The following KNL1 variants were observed in gnomAD, a reference collection of about 807,000 sequenced individuals.
KNL1 encodes kinetochore scaffold 1.
In KNL1, 66 loss-of-function variants were observed where a neutral mutation model predicts 201.3. That is an observed-to-expected ratio of 0.33 (90% CI 0.27 to 0.40). KNL1 has a LOEUF of 0.40. KNL1 is among the 10% of genes least tolerant of loss of function. KNL1 has a pLI of 1.00. For synonymous variants in KNL1, 895 were observed against 899.2 expected (o/e 1.00, Z 0.08); for missense variants, 2,815 against 2,690.5 (o/e 1.05, Z -1.02).
At position 40,657,472 on chromosome 15, in the gene KNL1, G is replaced by A; in HGVS notation, c.6712G>A (p.Glu2238Lys). ...AATGAACATAGATATTAATAATAAT[G>A]AGTAAGTGTATTAGTTCCCAAGGAC... ...NLMNIDINNN[E>K]LRLLFSSSAA... Residue 2238 changes from glutamate (E) to lysine (K), a missense_variant and splice_region_variant, in exon 24 of 26, where the codon GAA becomes AAA. Around this residue, in one of 3 missense-constraint regions of KNL1, gnomAD observed 334 missense variants for 362.6 expected, o/e 0.92. Transcript: ENST00000399668. The A allele has an allele frequency of 7.2e-6, 10 of 1,389,392 alleles. No individual in the cohort carries two copies. Among genetic ancestry groups the A allele is most frequent in the Non-Finnish European group, 9.2e-6 (9 of 976,004 alleles). 86.1% of individuals were successfully genotyped at this position (1,389,392 alleles called of 1,614,324 possible).
intron 13 of KNL1, among the ~76,000 whole-genome samples, chr15:40,629,643 A>G (rs1892856171): frequency 6.6e-6 from 1 of 151,534 alleles, no homozygotes; most frequent in African/African-American, 2.4e-5. Context: ...AGCTGGGACT[A>G]CAGGCGCGTG....
chr15:40,642,487 T>C (rs1232488504), intron 14 of KNL1, among the ~76,000 whole-genome samples: 4 of 152,292 alleles, frequency 2.6e-5, no homozygotes, highest in African/African-American at 9.6e-5. Context: ...TTAACAAATA[T>C]TTATTGAGCA....
rs186823615 is a variant in KNL1 at position 40,664,204 on chromosome 15, T to C, written c.*2016T>C. 3.3e-3 allele frequency: 595 copies of C among 181,218 alleles called. 5 individuals are homozygous for C. Among genetic ancestry groups the C allele is most frequent in the African/African-American group, 0.013 (550 of 42,558 alleles). The allele number at this position is 181,218 out of a possible 1,614,324, so 11.2% of individuals were successfully genotyped here. On this transcript the variant is annotated 3_prime_UTR_variant, in exon 26 of 26. Transcript: ENST00000399668. ...GCTTTTTTGGGTTTGGAGTACACAA[T>C]TGTAATATTTACTTAGTTATTTGTG...
chr15:40,607,145 T>C (rs1377695632), intron 4 of KNL1, among the ~76,000 whole-genome samples: 1 of 152,202 alleles, frequency 6.6e-6, no homozygotes, highest in African/African-American at 2.4e-5. Context: ...AGTGATCCTC[T>C]TGCCTGGGCC....
intron 13 of KNL1, among the ~76,000 whole-genome samples, chr15:40,640,157 C>T (rs148560489): frequency 0.02 from 2,835 of 140,278 alleles, 92 homozygotes; most frequent in African/African-American, 0.073. Context: ...AGTGCAGTGG[C>T]GCAATCTCGG....
In KNL1 at chr15:40,602,983, C is replaced by G. The variant is rs745880874; in HGVS notation, c.35+17C>G. 40 of 1,546,088 alleles carry G rather than the reference C, an allele frequency of 2.6e-5. No homozygotes were observed. The highest frequency in any genetic ancestry group is 3.5e-5 in the Non-Finnish European group (39 of 1,124,062). On this transcript the variant is annotated intron_variant, in intron 2 of 25. Transcript: ENST00000399668. ...TGAAGAAAAGTAAGTTCATTTAATG[C>G]AGCTAAAAATATTATATTCTATCAG...
chr15:40,635,096 T>C (rs536682534), intron 13 of KNL1, among the ~76,000 whole-genome samples: 15 of 151,578 alleles, frequency 9.9e-5, no homozygotes, highest in Admixed American at 2.0e-4. Context: ...TCATCCAGGC[T>C]GGAGTGCAGT....
chr15:40,613,214 AT>A (rs1357811793), intron 7 of KNL1, among the ~76,000 whole-genome samples: 1 of 152,204 alleles, frequency 6.6e-6, no homozygotes, highest in Non-Finnish European at 1.5e-5. Context: ...AAAGTATATC[AT>A]GTATTACCAC....
In KNL1 at chr15:40,662,144, C is replaced by G. The variant is rs1435564975; in HGVS notation, c.6907C>G (p.Gln2303Glu). The G allele has an allele frequency of 6.2e-7, 1 of 1,612,190 alleles. No homozygotes were observed. The highest frequency in any genetic ancestry group is 2.2e-5 in the East Asian group (1 of 44,856). The stretch of plus-strand genomic sequence containing the variant: ...CAACTACCTGAAGAATGTAGTCAAG[C>G]AAATTTACCAAGATCTGTTTCAGGA... ...ENNYLKNVVK[Q>E]IYQDLFQDCH... is the part of the protein sequence containing the mutation. Residue 2303 changes from glutamine to glutamate, a missense_variant, in exon 26 of 26, where the codon CAA becomes GAA. Physicochemically the swap from Gln to Glu is conservative, Grantham distance 29. This residue lies in a region of KNL1 where 334 missense variants were observed against 362.6 expected (regional missense o/e 0.92). Transcript: ENST00000399668.
chr15:40,625,501 T>G lies in KNL1; in HGVS notation c.5237T>G (p.Ile1746Ser), dbSNP rs771166373. ...KALIETYQKE[I>S]SPYENKMGKT... ...TTGATTGAGACATACCAAAAAGAGA[T>G]TTCACCATATGAAAATAAAATGGGA... is the stretch of plus-strand genomic sequence containing the variant. Residue 1746 changes from isoleucine (I) to serine (S), a missense_variant, in exon 10 of 26, where the codon ATT becomes AGT. By Grantham distance (142) the Ile-to-Ser change is moderately radical. This residue lies in a region of KNL1 where 2,464 missense variants were observed against 2,291.7 expected (regional missense o/e 1.08). Coordinates refer to ENST00000399668, the MANE Select transcript of KNL1 (RefSeq NM_144508.5). 1.1e-5 allele frequency: 18 copies of G among 1,612,410 alleles called. No homozygotes were observed. The East Asian group carries it at 3.8e-4, about 34-fold the overall frequency.
intron 10 of KNL1, among the ~76,000 whole-genome samples, chr15:40,627,513 CAA>C (rs543656517): frequency 1.3e-4 from 9 of 68,788 alleles, no homozygotes; most frequent in African/African-American, 1.6e-4. Flanking sequence ...GACTCCGCCT[CAA>C]AAAAAAAAAA....
rs1371974140 is a variant in KNL1, at chr15:40,650,546, T to C, written c.6175T>C (p.Leu2059=). ...TTTTTTTTTTTCTGTTTCCAAAGAA[T>C]TGGAACAGCTGAAAACTGAAGAAGA... ...DSEMRAAEKE[L]EQLKTEEEEL... The change falls in exon 19 of 26, where the codon TTG becomes CTG. Residue 2059 remains leucine (L), a splice_region_variant and synonymous_variant. Transcript: ENST00000399668. 6.4e-7 allele frequency: 1 copy of C among 1,554,930 alleles called. No homozygotes were observed. Among genetic ancestry groups the C allele is most frequent in the Non-Finnish European group, 8.7e-7 (1 of 1,154,420 alleles).
At position 40,645,718 on chromosome 15, in the gene KNL1, C is replaced by T; in HGVS notation, c.5952C>T (p.Val1984=). The T allele has an allele frequency of 6.2e-7, 1 of 1,610,952 alleles. No homozygotes were observed. The highest frequency in any genetic ancestry group is 8.5e-7 in the Non-Finnish European group (1 of 1,179,128). The change falls in exon 16 of 26, where the codon GTC becomes GTT. Residue 1984 remains valine (V), a synonymous_variant. Transcript: ENST00000399668. The part of the protein sequence containing the change: ...IKSCFTKMTK[V]FTHQGKVALY... ...CATGTTTTACCAAGATGACTAAAGT[C>T]TTCACTCACCAAGGAAAAGTGGCTC...
chr15:40,623,284 G>T lies in KNL1; in HGVS notation c.3020G>T (p.Arg1007Leu). 1 of 1,613,846 alleles carries T rather than the reference G, an allele frequency of 6.2e-7. No homozygotes were observed. Residue 1007 changes from arginine (R) to leucine (L), a missense_variant, in exon 10 of 26, where the codon CGT becomes CTT. By Grantham distance (102) the Arg-to-Leu change is moderately radical (BLOSUM62 -2). Around this residue, in one of 3 missense-constraint regions of KNL1, gnomAD observed 2,464 missense variants for 2,291.7 expected, o/e 1.08. Coordinates refer to ENST00000399668, the MANE Select transcript of KNL1 (RefSeq NM_144508.5). ...TTTCCAGGAAATGGTGAAAGTGACC[G>T]TCTAGTAGCAAATGACAGCCAGCTA... ...VFFPGNGESD[R>L]LVANDSQLTP...
At chr15:40,657,945 A>AAT (rs199699483) in intron 24 of KNL1, among the ~76,000 whole-genome samples, 9 of 151,854 alleles carry the variant, frequency 5.9e-5, no homozygotes, top group Non-Finnish European at 1.0e-4. Flanking sequence ...TTATTAAATG[A>AAT]ATATATATAT....
chr15:40,658,939 A>AAAAAAG (rs1555423579), intron 24 of KNL1, among the ~76,000 whole-genome samples: 2 of 148,186 alleles, frequency 1.3e-5, no homozygotes, highest in Admixed American at 6.7e-5. Context: ...CAAAAAAAAA[A>AAAAAAG]AAAGAAAAAG....
At position 40,621,655 on chromosome 15, in the gene KNL1, G is replaced by C. The variant is rs2141720197; in HGVS notation, c.1391G>C (p.Cys464Ser). 1.2e-6 allele frequency: 2 copies of C among 1,612,838 alleles called. No homozygotes were observed. Among genetic ancestry groups the C allele is most frequent in the Admixed American group, 3.3e-5 (2 of 59,876 alleles). ...GACAGTAATTATGCTAAAATGTATT[G>C]CAATCCAGATGCTATGTCTTCTCTC... ...KHDSNYAKMYCNPDAMSSLTE... is the reference protein window; with the variant it reads ...KHDSNYAKMYSNPDAMSSLTE... Residue 464 changes from cysteine (C) to serine (S), a missense_variant, in exon 10 of 26, where the codon TGC becomes TCC. Physicochemically the swap from Cys to Ser is moderately radical, Grantham distance 112. Transcript: ENST00000399668.
chr15:40,611,666 T>A (rs1471136162), intron 7 of KNL1, among the ~76,000 whole-genome samples, 155 bp downstream of exon 7: 1 of 151,912 alleles, frequency 6.6e-6, no homozygotes, highest in Non-Finnish European at 1.5e-5. Context: ...ATATGGCCAT[T>A]GTACTGTTTA....
rs536063606 is a variant in KNL1 at position 40,621,715 on chromosome 15, T to C, written c.1451T>C (p.Met484Thr). The C allele has an allele frequency of 2.5e-5, 41 of 1,612,730 alleles. No homozygotes were observed. The South Asian group carries it at 4.2e-4, about 16-fold the overall frequency. ...ACTATTTATTCCGGAGAGGAGAACATGGACATTACCAAGAGTCATACAGTT... is the reference window on the plus strand; with the variant it reads ...ACTATTTATTCCGGAGAGGAGAACACGGACATTACCAAGAGTCATACAGTT... The part of the protein sequence containing the change: ...EKTIYSGEEN[M>T]DITKSHTVAI... The change falls in exon 10 of 26, where the codon ATG becomes ACG. Residue 484 changes from methionine to threonine, a missense_variant. This residue lies in a region of KNL1 where 2,464 missense variants were observed against 2,291.7 expected (regional missense o/e 1.08). Transcript: ENST00000399668.
Sources: allele counts gnomAD v4.1 joint callset (sites outside exome capture counted in the v4.1 genomes callset), GRCh38; gene constraint gnomAD v4.1.1; regional missense constraint gnomAD v4.1.1; transcripts MANE v1.5; gene names NCBI Gene and HGNC (gene_info 2026-07-23, HGNC 2026-07-21).